Variants in TPTE2 observed in about 807,000 individuals in gnomAD.
The protein encoded by TPTE2 is transmembrane phosphoinositide 3-phosphatase and tensin homolog 2.
Under a neutral mutation model 78.6 loss-of-function variants are expected in TPTE2, and 53 were observed. That is an observed-to-expected ratio of 0.67 (90% CI 0.54 to 0.85). The LOEUF is 0.85. Among genes scored for constraint, TPTE2 ranks in the 40% least tolerant of loss-of-function variants. The pLI is 0.00. For missense variants in TPTE2, 461 were observed against 623.0 expected (o/e 0.74, Z 2.77); for synonymous variants, 175 against 206.2 (o/e 0.85, Z 1.30).
chr13:19,474,547 A>G (rs1367673499), intron 5 of TPTE2, among the ~76,000 whole-genome samples: 1 of 152,230 alleles, frequency 6.6e-6, no homozygotes. Flanking sequence ...TAAGCTCTTA[A>G]AAGACCAAGA....
chr13:19,473,597 C>CTTTTT (rs34210025), intron 6 of TPTE2, among the ~76,000 whole-genome samples: 9 of 129,120 alleles, frequency 7.0e-5, no homozygotes, highest in Non-Finnish European at 1.3e-4. Context: ...TTTTAAAATG[C>CTTTTT]TTTTTTTTTT....
chr13:19,430,709 A>G (rs1876518133), intron 16 of TPTE2, among the ~76,000 whole-genome samples, 162 bp from the exon 20 acceptor site: 1 of 152,230 alleles, frequency 6.6e-6, no homozygotes, highest in Admixed American at 6.5e-5. Flanking sequence ...TTTGAAAGAC[A>G]AGGCTTCAAG....
At chr13:19,452,165 C>T (rs1878227640) in intron 10 of TPTE2, among the ~76,000 whole-genome samples, 1 of 151,980 alleles carries the variant, frequency 6.6e-6, no homozygotes, top group African/African-American at 2.4e-5. Flanking sequence ...GTGGGGGAGG[C>T]AAGGATAAAT....
chr13:19,457,137 G>A (rs1878586202), intron 10 of TPTE2, among the ~76,000 whole-genome samples: 1 of 152,148 alleles, frequency 6.6e-6, no homozygotes, highest in Admixed American at 6.5e-5. Context: ...CATGAAACTT[G>A]ATACTTTATA....
chr13:19,479,837 A>C (rs552540792), intron 4 of TPTE2, among the ~76,000 whole-genome samples: 132 of 151,738 alleles, frequency 8.7e-4, no homozygotes, highest in South Asian at 2.5e-3. Flanking sequence ...GTGGTGCGTG[A>C]CTGTAGTCCC....
At chr13:19,449,838 G>A (rs1305426171) in intron 13 of TPTE2, among the ~76,000 whole-genome samples, 1 of 152,054 alleles carries the variant, frequency 6.6e-6, no homozygotes, top group Non-Finnish European at 1.5e-5. Context: ...GGGAAAATAT[G>A]CTCAACCTTC....
intron 1 of TPTE2, among the ~76,000 whole-genome samples, chr13:19,531,987 T>C (rs905203006): frequency 6.6e-5 from 10 of 152,030 alleles, no homozygotes; most frequent in African/African-American, 2.2e-4. Context: ...TCTAACCGAG[T>C]TGTCAACTGT....
At chr13:19,538,769 G>T (rs1326168338), upstream of TPTE2, among the ~76,000 whole-genome samples, 1 of 151,016 alleles carries the variant, frequency 6.6e-6, no homozygotes, top group African/African-American at 2.4e-5. Flanking sequence ...CGCCCACCTC[G>T]ACCTCCCAAA....
intron 19 of TPTE2, 129 bp downstream of exon 22, chr13:19,424,818 A>G (rs1432079261): frequency 4.7e-6 from 3 of 637,148 alleles, no homozygotes; most frequent in Non-Finnish European, 8.2e-6. Flanking sequence ...GCAAGGAAAA[A>G]TGGTGGCTCA....
At chr13:19,443,100 C>T (rs1877594698) in intron 13 of TPTE2, among the ~76,000 whole-genome samples, 1 of 152,088 alleles carries the variant, frequency 6.6e-6, no homozygotes, top group Middle Eastern at 3.4e-3. Flanking sequence ...GCCCAGATGA[C>T]ATGAATTTGA....
intron 13 of TPTE2, among the ~76,000 whole-genome samples, chr13:19,449,184 AT>A (rs1878024691): frequency 1.3e-5 from 2 of 151,988 alleles, no homozygotes; most frequent in East Asian, 1.9e-4. Flanking sequence ...TATTATTGTT[AT>A]TTTTTTAGAT....
chr13:19,507,849 T>C (rs1287626037), upstream of TPTE2, among the ~76,000 whole-genome samples: 1 of 152,218 alleles, frequency 6.6e-6, no homozygotes, highest in East Asian at 1.9e-4. Context: ...TTTCTGTCCA[T>C]AATGCTGTCT....
At chr13:19,468,184 G>A (rs1879403946) in intron 6 of TPTE2, among the ~76,000 whole-genome samples, 1 of 151,138 alleles carries the variant, frequency 6.6e-6, no homozygotes, top group Admixed American at 6.6e-5. Context: ...GGGATTACAG[G>A]CGACCGACAC....
chr13:19,477,926 A>G (rs1880073372), intron 4 of TPTE2, among the ~76,000 whole-genome samples: 1 of 152,212 alleles, frequency 6.6e-6, no homozygotes, highest in Non-Finnish European at 1.5e-5. Context: ...ACATGAAGCA[A>G]CACGAAGCAT....
At chr13:19,547,720 C>CATATATATATATATAT in the TPTE2 span, among the ~76,000 whole-genome samples, 9,441 of 118,358 alleles carry the variant, frequency 0.08, 714 homozygotes, top group Non-Finnish European at 0.12. Context: ...AATAAATATA[C>CATATATATATATATAT]ATATATATAT....
intron 9 of TPTE2, 43 bp from the exon 13 acceptor site, chr13:19,464,563 T>C (rs1879142905): frequency 1.3e-6 from 2 of 1,578,942 alleles, no homozygotes; most frequent in African/African-American, 2.9e-5. Context: ...TATTATAGAT[T>C]TCATATAACA....
chr13:19,428,797 G>C (rs1222873863), intron 17 of TPTE2, among the ~76,000 whole-genome samples: 1 of 151,904 alleles, frequency 6.6e-6, no homozygotes, highest in African/African-American at 2.4e-5. Flanking sequence ...TGTGTTCCAA[G>C]AGCCAAAAGG....
At chr13:19,442,514 G>T (rs1877564771) in intron 13 of TPTE2, among the ~76,000 whole-genome samples, 1 of 151,820 alleles carries the variant, frequency 6.6e-6, no homozygotes. Flanking sequence ...CAAGAAGTCA[G>T]GAAAAGAACA....
At chr13:19,506,597 T>G (rs1869068860), upstream of TPTE2, among the ~76,000 whole-genome samples, 1 of 152,198 alleles carries the variant, frequency 6.6e-6, no homozygotes, top group Admixed American at 6.5e-5. Context: ...TAATTTGGAC[T>G]TACACTTTTG....
Sources: gnomAD v4.1 joint callset for allele counts (sites outside exome capture counted in the v4.1 genomes callset) on GRCh38, gnomAD v4.1.1 for gene constraint, MANE v1.5 for transcripts, NCBI Gene and HGNC (gene_info 2026-07-23, HGNC 2026-07-21) for gene names.